PCDHGB3: variants seen among roughly 807,000 people sequenced by gnomAD.
PCDHGB3 encodes the protein protocadherin gamma-B3.
PCDHGB3 carries 40 observed loss-of-function variants against 59.2 expected under a neutral mutation model. The observed-to-expected ratio is 0.68, with a 90% CI of 0.52 to 0.88. The LOEUF (loss-of-function observed/expected upper bound fraction) is 0.88. Ranked by LOEUF, PCDHGB3 falls within the 40% of genes least tolerant of loss-of-function variation. The pLI is 0.00. For missense variants in PCDHGB3, 1,309 were observed against 1,187.9 expected, an observed-to-expected ratio of 1.10 and a Z score of -1.50; for synonymous variants, 581 against 503.6, an observed-to-expected ratio of 1.15 and a Z score of -2.06.
intron 1 of PCDHGB3, chr5:141,374,444 G>T: frequency 6.2e-7 from 1 of 1,613,848 alleles, no homozygotes; most frequent in Non-Finnish European, 8.5e-7. Context: ...TCCCGTGGAA[G>T]TGGAAATAGT....
chr5:141,500,883 T>G (rs1250275850), intron 2 of PCDHGB3, among the ~76,000 whole-genome samples: 2 of 97,532 alleles, frequency 2.1e-5, no homozygotes, highest in African/African-American at 1.2e-4. Context: ...TACAATTTTT[T>G]TTTTTTGAGA....
intron 1 of PCDHGB3, chr5:141,403,221 T>G (rs899056141): frequency 1.3e-5 from 21 of 1,613,974 alleles, no homozygotes; most frequent in Non-Finnish European, 1.8e-5. Flanking sequence ...GCGGGTAGGA[T>G]AGACCGGGAG....
At chr5:141,384,532 A>T (rs766404100) in intron 1 of PCDHGB3, 1 of 1,614,238 alleles carries the variant, frequency 6.2e-7, no homozygotes, top group South Asian at 1.1e-5. Flanking sequence ...TCTCAGCAGC[A>T]ACATGTCACT....
intron 1 of PCDHGB3, chr5:141,400,071 GC>G: frequency 6.2e-7 from 1 of 1,613,942 alleles, no homozygotes; most frequent in Non-Finnish European, 8.5e-7. Flanking sequence ...GTGGACAGCC[GC>G]CACTCTCCGC....
chr5:141,413,461 C>G (rs1294898087), intron 1 of PCDHGB3: 11 of 1,614,082 alleles, frequency 6.8e-6, no homozygotes, highest in Non-Finnish European at 7.6e-6. Flanking sequence ...CAGGATAGAC[C>G]GGGAGGAGCT....
At chr5:141,410,335 T>C (rs2095381391) in intron 1 of PCDHGB3, 1 of 1,613,894 alleles carries the variant, frequency 6.2e-7, no homozygotes, top group African/African-American at 1.3e-5. Context: ...TTCTGGCCAT[T>C]GCCTTGCGCC....
intron 1 of PCDHGB3, among the ~76,000 whole-genome samples, chr5:141,381,826 C>CTTTTTTTTTTTTTTTTT (rs770630741): frequency 6.7e-5 from 5 of 74,282 alleles, no homozygotes; most frequent in Admixed American, 1.9e-4. Flanking sequence ...CTTTCTTCTT[C>CTTTTTTTTTTTTTTTTT]TTTTTTTTTT....
At chr5:141,458,094 A>G (rs1036190372) in intron 1 of PCDHGB3, among the ~76,000 whole-genome samples, 3 of 152,260 alleles carry the variant, frequency 2.0e-5, no homozygotes, top group African/African-American at 7.2e-5. Context: ...AGTTAAGAGT[A>G]CTTACAGATA....
chr5:141,409,706 T>A, intron 1 of PCDHGB3: 1 of 1,613,210 alleles, frequency 6.2e-7, no homozygotes, highest in Non-Finnish European at 8.5e-7. Context: ...CCTGGCGGTG[T>A]CGTCATACGT....
rs2099170089 is a variant in PCDHGB3, at chr5:141,468,602, C to T, written c.2416-26205C>T. On this transcript the variant is annotated intron_variant, in intron 1 of 3. Coordinates refer to ENST00000576222, the MANE Select transcript of PCDHGB3 (RefSeq NM_018924.5). ...GTACTAAAGGCTGGGCGCGGTGGCT[C>T]ACGCCTGTAATCCCAGCACTTTGGG... The T allele has an allele frequency of 2.6e-5, 4 of 152,284 alleles. No individual in the cohort carries two copies. The South Asian group carries it at 8.3e-4, about 32-fold the overall frequency. 9.4% of individuals were successfully genotyped at this position (152,284 alleles called of 1,614,324 possible).
chr5:141,371,724 G>A lies in PCDHGB3; in HGVS notation c.1330G>A (p.Asp444Asn), dbSNP rs747047802. ...SSKTITLHILDVNDNVPVFHQ... is the reference protein window; with the variant it reads ...SSKTITLHILNVNDNVPVFHQ... ...CAAGACCATCACTCTGCACATCCTTGATGTCAACGACAACGTTCCCGTTTT... is the reference window on the plus strand; with the variant it reads ...CAAGACCATCACTCTGCACATCCTTAATGTCAACGACAACGTTCCCGTTTT... The change falls in exon 1 of 4, where the codon GAT becomes AAT. Residue 444 changes from aspartate (D) to asparagine (N), a missense_variant. By Grantham distance (23) the Asp-to-Asn change is conservative. Coordinates refer to ENST00000576222, the MANE Select transcript of PCDHGB3 (RefSeq NM_018924.5). 1.2e-6 allele frequency: 2 copies of A among 1,614,056 alleles called. No individual in the cohort carries two copies. The highest frequency in any genetic ancestry group is 2.2e-5 in the South Asian group (2 of 91,088).
At chr5:141,404,328 T>G (rs1300173055) in intron 1 of PCDHGB3, 3 of 1,613,902 alleles carry the variant, frequency 1.9e-6, no homozygotes, top group Non-Finnish European at 2.5e-6. Flanking sequence ...TCCTACTCAG[T>G]CTACCTCCCG....
At chr5:141,399,959 G>A (rs1257286209) in intron 1 of PCDHGB3, 4 of 1,612,230 alleles carry the variant, frequency 2.5e-6, no homozygotes, top group South Asian at 1.1e-5. Flanking sequence ...AGCGAGCCCG[G>A]GCTCTTCAGC....
chr5:141,390,173 T>C (rs1212038164), intron 1 of PCDHGB3: 1 of 1,613,616 alleles, frequency 6.2e-7, no homozygotes. Flanking sequence ...CGGAGTTTAA[T>C]TTCCTAAAAT....
intron 1 of PCDHGB3, among the ~76,000 whole-genome samples, chr5:141,386,853 G>C (rs932816835): frequency 2.0e-5 from 3 of 152,230 alleles, no homozygotes; most frequent in African/African-American, 4.8e-5. Context: ...ACTAAACTCA[G>C]TGAGCTATTG....
At chr5:141,408,524 G>A (rs1589673864) in intron 1 of PCDHGB3, 3 of 1,614,080 alleles carry the variant, frequency 1.9e-6, no homozygotes, top group Non-Finnish European at 1.7e-6. Context: ...GCAATTGGAA[G>A]CTGTGGTGGA....
At chr5:141,388,115 G>C (rs747417828) in intron 1 of PCDHGB3, 1 of 1,410,070 alleles carries the variant, frequency 7.1e-7, no homozygotes. Flanking sequence ...ACTTCACCGT[G>C]AGCGCAGAGA....
chr5:141,460,026 C>T (rs565259315), intron 1 of PCDHGB3, among the ~76,000 whole-genome samples: 36 of 152,090 alleles, frequency 2.4e-4, no homozygotes, highest in Non-Finnish European at 3.2e-4. Flanking sequence ...TGCAGTGAGC[C>T]GAGACTGCAC....
At chr5:141,475,512 C>A (rs2099364350) in intron 1 of PCDHGB3, among the ~76,000 whole-genome samples, 2 of 152,326 alleles carry the variant, frequency 1.3e-5, no homozygotes, top group South Asian at 4.1e-4. Context: ...AATGTCTCCA[C>A]GGAAATGCTA....
Sources: allele counts gnomAD v4.1 joint callset (sites outside exome capture counted in the v4.1 genomes callset), GRCh38; gene constraint gnomAD v4.1.1; transcripts MANE v1.5; gene names NCBI Gene and HGNC (gene_info 2026-07-23, HGNC 2026-07-21).